LIPH: variants seen among roughly 807,000 people sequenced by gnomAD.
LIPH encodes lipase member H.
Under a neutral mutation model 47.6 loss-of-function variants are expected in LIPH, and 32 were observed. That is an observed-to-expected ratio of 0.67 (90% confidence interval 0.51 to 0.90). LIPH has a LOEUF of 0.90. Among genes scored for constraint, LIPH ranks in the 40% least tolerant of loss-of-function variants. The probability of loss-of-function intolerance (pLI) is 0.00; values close to 1 mark genes in which losing one functional copy is unlikely to be tolerated. For missense variants in LIPH, 497 were observed against 541.4 expected, an observed-to-expected ratio of 0.92 and a Z score of 0.81; for synonymous variants, 190 against 195.6, an observed-to-expected ratio of 0.97 and a Z score of 0.24.
At position 185,530,011 on chromosome 3, in the gene LIPH, C is replaced by T. The variant is rs575475257; in HGVS notation, c.527-2426G>A. On this transcript the variant is annotated intron_variant, in intron 3 of 9. Transcript: ENST00000296252. Reference sequence around the variant, plus strand: ...GAGAGAAAATAAGCAGTGCCTGGCGCGGTGGCATGCGCCTGTAGTCCCTGT... The same window carrying T: ...GAGAGAAAATAAGCAGTGCCTGGCGTGGTGGCATGCGCCTGTAGTCCCTGT... Among the ~76,000 whole-genome samples the T allele has an allele frequency of 1.8e-4, 28 of 151,950 alleles. 1 individual carries two copies. In the Middle Eastern group the frequency reaches 0.014, roughly 74 times the overall value.
intron 3 of LIPH, among the ~76,000 whole-genome samples, chr3:185,529,138 C>A (rs1720221758): frequency 7.5e-6 from 1 of 132,560 alleles, no homozygotes; most frequent in Non-Finnish European, 1.5e-5. Context: ...GATCGTGCCA[C>A]TGCACTCCAG....
chr3:185,546,024 G>T (rs1720861248), intron 1 of LIPH, among the ~76,000 whole-genome samples: 1 of 151,988 alleles, frequency 6.6e-6, no homozygotes, highest in Non-Finnish European at 1.5e-5. Flanking sequence ...AAATTAGCTG[G>T]GTGTGGTGGC....
intron 6 of LIPH, 96 bp downstream of exon 6, chr3:185,519,046 T>G: frequency 9.4e-7 from 1 of 1,065,374 alleles, no homozygotes; most frequent in Non-Finnish European, 1.5e-6. Context: ...TTTAATACAA[T>G]TATGGGGCCA....
intron 7 of LIPH, among the ~76,000 whole-genome samples, chr3:185,514,924 A>G (rs1719680076): frequency 6.6e-6 from 1 of 152,146 alleles, no homozygotes; most frequent in African/African-American, 2.4e-5. Flanking sequence ...CAGCCTACTC[A>G]GCCTTCCTCA....
intron 6 of LIPH, among the ~76,000 whole-genome samples, chr3:185,518,547 T>A (rs1402943913): frequency 6.6e-6 from 1 of 152,054 alleles, no homozygotes; most frequent in Non-Finnish European, 1.5e-5. Context: ...CCCAAAGTGC[T>A]GGGATTACAG....
intron 5 of LIPH, among the ~76,000 whole-genome samples, chr3:185,519,634 G>A (rs953298895): frequency 3.3e-5 from 5 of 151,850 alleles, no homozygotes; most frequent in African/African-American, 4.8e-5. Flanking sequence ...TCAGGAGTTC[G>A]AAACCAGCCT....
In LIPH at chr3:185,552,376, A is replaced by T. The variant is rs374846548; in HGVS notation, c.49+47T>A. The T allele has an allele frequency of 6.9e-6, 9 of 1,313,018 alleles. No individual in the cohort carries two copies. In the East Asian group the frequency reaches 6.9e-5, roughly 10 times the overall value. 81.3% of individuals were successfully genotyped at this position (1,313,018 alleles called of 1,614,324 possible). On this transcript the variant is annotated intron_variant, in intron 1 of 9. Transcript: ENST00000296252. ...GACATGCAAAATGACAACACAACTAATTCTATTTTTTAAGCAGTTAAGAAA... is the reference window on the plus strand; with the variant it reads ...GACATGCAAAATGACAACACAACTATTTCTATTTTTTAAGCAGTTAAGAAA...
chr3:185,512,955 G>A (rs1413990950), intron 8 of LIPH, among the ~76,000 whole-genome samples: 12 of 152,300 alleles, frequency 7.9e-5, no homozygotes, highest in African/African-American at 2.6e-4. Context: ...AGAAACCAGA[G>A]CTCCCTGGAG....
intron 6 of LIPH, among the ~76,000 whole-genome samples, chr3:185,517,623 A>C (rs2148949352): frequency 6.6e-6 from 1 of 152,302 alleles, no homozygotes; most frequent in Non-Finnish European, 1.5e-5. Context: ...GTCACTAAGC[A>C]GGTGAGTGTC....
chr3:185,538,967 AT>A (rs975784798), intron 1 of LIPH, among the ~76,000 whole-genome samples: 91 of 147,556 alleles, frequency 6.2e-4, no homozygotes, highest in South Asian at 1.5e-3. Flanking sequence ...ACATATATAT[AT>A]TTTTTTTTAT....
chr3:185,519,836 C>CAAAAAAAAAAAAAA (rs145391972), intron 5 of LIPH, among the ~76,000 whole-genome samples: 2 of 53,830 alleles, frequency 3.7e-5, no homozygotes, highest in African/African-American at 1.6e-4. Context: ...CACTCCATCT[C>CAAAAAAAAAAAAAA]AAAAAAAAAA....
At chr3:185,511,320 C>T (rs1002803976) in intron 9 of LIPH, among the ~76,000 whole-genome samples, 7 of 152,056 alleles carry the variant, frequency 4.6e-5, no homozygotes, top group Admixed American at 2.6e-4. Context: ...CCAGCTTGGC[C>T]TCCCAAAGTG....
intron 9 of LIPH, among the ~76,000 whole-genome samples, chr3:185,511,256 G>T (rs1333919751): frequency 6.6e-6 from 1 of 151,542 alleles, no homozygotes; most frequent in African/African-American, 2.4e-5. Context: ...TGTAGAGACA[G>T]GGTCTCCATA....
chr3:185,547,138 C>CAA (rs200586248), intron 1 of LIPH, among the ~76,000 whole-genome samples: 2 of 129,456 alleles, frequency 1.5e-5, no homozygotes, highest in Non-Finnish European at 3.3e-5. Context: ...GACTCCGTCT[C>CAA]AAAAAAAAAA....
chr3:185,547,858 AG>A (rs1351442924), intron 1 of LIPH, among the ~76,000 whole-genome samples: 1 of 151,884 alleles, frequency 6.6e-6, no homozygotes, highest in East Asian at 1.9e-4. Flanking sequence ...AAAGAAAGAA[AG>A]TATTTACTGA....
intron 2 of LIPH, among the ~76,000 whole-genome samples, chr3:185,534,362 A>G (rs1346407180): frequency 6.6e-6 from 1 of 152,064 alleles, no homozygotes; most frequent in Non-Finnish European, 1.5e-5. Flanking sequence ...CTCAAAAAAA[A>G]AAAAAGAAGT....
intron 1 of LIPH, among the ~76,000 whole-genome samples, chr3:185,540,958 G>C (rs1336405379): frequency 6.6e-6 from 1 of 152,144 alleles, no homozygotes; most frequent in African/African-American, 2.4e-5. Flanking sequence ...GCTGATCTTT[G>C]TCAGAACAGC....
chr3:185,524,281 C>G (rs1398055995), intron 4 of LIPH, 121 bp from the exon 5 acceptor site: 2 of 699,774 alleles, frequency 2.9e-6, no homozygotes, highest in South Asian at 3.1e-5. Flanking sequence ...ATTGTTATAC[C>G]TATGTAAGAG....
At chr3:185,550,147 G>A (rs910937279) in intron 1 of LIPH, among the ~76,000 whole-genome samples, 6 of 152,082 alleles carry the variant, frequency 3.9e-5, no homozygotes, top group Non-Finnish European at 7.4e-5. Flanking sequence ...AAGCAGAAGG[G>A]AAAAACAAGA....
Sources: gnomAD v4.1 joint callset for allele counts (sites outside exome capture counted in the v4.1 genomes callset) on GRCh38, gnomAD v4.1.1 for gene constraint, MANE v1.5 for transcripts, NCBI Gene and HGNC (gene_info 2026-07-23, HGNC 2026-07-21) for gene names.